The following KCNH1 variants were observed in gnomAD, a reference collection of about 807,000 sequenced individuals.
The protein encoded by KCNH1 is potassium voltage-gated channel subfamily H member 1.
Under a neutral mutation model 69.2 loss-of-function variants are expected in KCNH1, and 27 were observed. The ratio of observed to expected loss-of-function variants is 0.39; its 90% CI spans 0.29 to 0.54. The LOEUF is 0.54. Among genes scored for constraint, KCNH1 ranks in the 20% least tolerant of loss-of-function variants. The pLI is 0.68. For missense variants in KCNH1, 798 were observed against 1,261.6 expected (o/e 0.63, Z 5.57); for synonymous variants, 456 against 487.7 (o/e 0.93, Z 0.86).
intron 7 of KCNH1, among the ~76,000 whole-genome samples, chr1:210,831,394 G>A (rs187568152): frequency 2.9e-4 from 44 of 152,236 alleles, no homozygotes; most frequent in Non-Finnish European, 5.3e-4. Flanking sequence ...CTTTTAATGA[G>A]TTTTGTAAAT....
At chr1:210,759,182 T>A (rs1047828294) in intron 10 of KCNH1, among the ~76,000 whole-genome samples, 6 of 104,860 alleles carry the variant, frequency 5.7e-5, no homozygotes, top group African/African-American at 1.5e-4. Flanking sequence ...CACACATATT[T>A]TATATATATA....
chr1:210,869,882 T>C (rs1042246660), intron 7 of KCNH1, among the ~76,000 whole-genome samples: 9 of 152,104 alleles, frequency 5.9e-5, no homozygotes, highest in African/African-American at 1.9e-4. Context: ...GCCTGGCTTG[T>C]GCAATTTCAG....
intron 10 of KCNH1, among the ~76,000 whole-genome samples, chr1:210,707,662 C>T (rs1051628498): frequency 5.3e-5 from 8 of 152,136 alleles, no homozygotes; most frequent in Admixed American, 2.6e-4. Flanking sequence ...TGCTCCAGCC[C>T]AGTGGCAGGC....
chr1:211,090,546 A>C lies in KCNH1; in HGVS notation c.439+16T>G, dbSNP rs765211295. 1.3e-6 allele frequency: 2 copies of C among 1,591,590 alleles called. No individual in the cohort carries two copies. Among genetic ancestry groups the C allele is most frequent in the Non-Finnish European group, 1.7e-6 (2 of 1,173,596 alleles). On this transcript the variant is annotated intron_variant, in intron 4 of 10. Transcript: ENST00000271751. ...AAAAAGGCATAAATGTATTTGTACA[A>C]GTCAGAATTACAAACCTTTACATGA... is the stretch of plus-strand genomic sequence containing the variant.
At chr1:211,058,430 AAAC>A (rs1690356604) in intron 5 of KCNH1, among the ~76,000 whole-genome samples, 1 of 152,216 alleles carries the variant, frequency 6.6e-6, no homozygotes, top group African/African-American at 2.4e-5. Flanking sequence ...AAATAAATAG[AAAC>A]AACAAAAAGT....
chr1:211,033,968 T>C (rs982470025), intron 5 of KCNH1, among the ~76,000 whole-genome samples: 2 of 151,688 alleles, frequency 1.3e-5, no homozygotes, highest in African/African-American at 4.8e-5. Flanking sequence ...ATAAACTAGA[T>C]CATTCATATA....
chr1:210,935,403 C>A (rs1574347761), intron 6 of KCNH1, among the ~76,000 whole-genome samples: 1 of 152,080 alleles, frequency 6.6e-6, no homozygotes, highest in African/African-American at 2.4e-5. Context: ...TTATTGGATA[C>A]AAAATTACAA....
chr1:211,129,427 T>A (rs1691838840), intron 1 of KCNH1, among the ~76,000 whole-genome samples: 1 of 152,196 alleles, frequency 6.6e-6, no homozygotes, highest in Admixed American at 6.5e-5. Flanking sequence ...TTAAGATAGA[T>A]TACTAAAATA....
intron 10 of KCNH1, among the ~76,000 whole-genome samples, chr1:210,736,841 C>CT (rs1404054915): frequency 6.6e-6 from 1 of 152,108 alleles, no homozygotes; most frequent in African/African-American, 2.4e-5. Context: ...ACTTACACCT[C>CT]TTTTTTGGGT....
chr1:210,802,536 G>T (rs1211061264), intron 8 of KCNH1, among the ~76,000 whole-genome samples: 1 of 152,132 alleles, frequency 6.6e-6, no homozygotes, highest in East Asian at 1.9e-4. Context: ...ATGGATCTGA[G>T]ATTAAATCTT....
intron 6 of KCNH1, among the ~76,000 whole-genome samples, chr1:210,994,417 A>T (rs774731706): frequency 2.0e-5 from 3 of 152,196 alleles, no homozygotes; most frequent in Non-Finnish European, 4.4e-5. Context: ...ATCATGTAAG[A>T]AGATTATACA....
intron 10 of KCNH1, among the ~76,000 whole-genome samples, chr1:210,706,753 T>G (rs969719450): frequency 2.0e-5 from 3 of 152,282 alleles, no homozygotes; most frequent in Admixed American, 6.5e-5. Context: ...GTGCTAAGAA[T>G]AGTGGCTAAT....
intron 5 of KCNH1, among the ~76,000 whole-genome samples, chr1:211,075,772 C>A (rs186010242): frequency 1.3e-5 from 2 of 152,318 alleles, no homozygotes; most frequent in Admixed American, 6.5e-5. Context: ...CGAAGCAGGG[C>A]GGAGCATTGC....
At position 210,894,794 on chromosome 1, in the gene KCNH1, C is replaced by A. The variant is rs139844317; in HGVS notation, c.1462+24846G>T. Among the ~76,000 whole-genome samples, 7 of 152,340 alleles carry A rather than the reference C, an allele frequency of 4.6e-5. No homozygotes were observed. The East Asian group carries it at 1.4e-3, about 29-fold the overall frequency. ...CATGAAGGCCCTAACAAGATGCCAG[C>A]ACCATGCTCTTGGGCTTCCCAGCTT... On this transcript the variant is annotated intron_variant, in intron 7 of 10. Transcript: ENST00000271751.
At chr1:210,866,807 T>G (rs144024878) in intron 7 of KCNH1, among the ~76,000 whole-genome samples, 1 of 152,212 alleles carries the variant, frequency 6.6e-6, no homozygotes, top group Non-Finnish European at 1.5e-5. Context: ...ACATGAATGC[T>G]CATAATGTTC....
At chr1:210,709,714 AAAG>A (rs1682008809) in intron 10 of KCNH1, among the ~76,000 whole-genome samples, 1 of 139,544 alleles carries the variant, frequency 7.2e-6, no homozygotes, top group Admixed American at 7.8e-5. Context: ...AAAGAGAAAG[AAAG>A]AAAGAAGAGA....
intron 6 of KCNH1, among the ~76,000 whole-genome samples, chr1:210,975,808 C>T (rs957465280): frequency 6.6e-6 from 1 of 152,120 alleles, no homozygotes. Context: ...TCAGAGTGAA[C>T]AGGCAACCTA....
chr1:210,715,196 A>G (rs1682197403), intron 10 of KCNH1, among the ~76,000 whole-genome samples: 1 of 152,220 alleles, frequency 6.6e-6, no homozygotes, highest in Admixed American at 6.5e-5. Context: ...CCACTCTGAC[A>G]GGCTGCAGGG....
chr1:210,693,736 A>G (rs1168494111), intron 10 of KCNH1, among the ~76,000 whole-genome samples: 1 of 152,112 alleles, frequency 6.6e-6, no homozygotes, highest in Non-Finnish European at 1.5e-5. Flanking sequence ...GAGGGTCCCC[A>G]CCTATACTGG....
Sources: gnomAD v4.1 joint callset for allele counts (sites outside exome capture counted in the v4.1 genomes callset) on GRCh38, gnomAD v4.1.1 for gene constraint, MANE v1.5 for transcripts, NCBI Gene and HGNC (gene_info 2026-07-23, HGNC 2026-07-21) for gene names.